Variants in ATP2B2 observed in about 807,000 individuals in gnomAD.
The protein encoded by ATP2B2 is plasma membrane calcium-transporting ATPase 2.
ATP2B2 carries 15 observed loss-of-function variants against 120.0 expected under a neutral mutation model. The ratio of observed to expected loss-of-function variants is 0.12; its 90% CI spans 0.08 to 0.19. The LOEUF (loss-of-function observed/expected upper bound fraction) is 0.19, where lower values mean the gene tolerates loss of function less well. Ranked by LOEUF, ATP2B2 falls within the 10% of genes least tolerant of loss-of-function variation. The pLI is 1.00. For synonymous variants in ATP2B2, 694 were observed against 700.3 expected, an observed-to-expected ratio of 0.99 and a Z score of 0.14; for missense variants, 1,045 against 1,719.8, an observed-to-expected ratio of 0.61 and a Z score of 6.94.
In ATP2B2 at chr3:10,346,369, C is replaced by T. The variant is rs1265367384; in HGVS notation, c.2405-232G>A. Among the ~76,000 whole-genome samples, 2 of 152,254 alleles carry T rather than the reference C, an allele frequency of 1.3e-5. No individual in the cohort carries two copies. The highest frequency in any genetic ancestry group is 2.9e-5 in the Non-Finnish European group (2 of 68,032). ...ACTTGGGGCCCCCTGTGGCCCGGGCCCTGCTCACCTCTCCAGCCCCCTCTT... is the reference window on the plus strand; with the variant it reads ...ACTTGGGGCCCCCTGTGGCCCGGGCTCTGCTCACCTCTCCAGCCCCCTCTT... On this transcript the variant is annotated intron_variant, in intron 16 of 22. Transcript: ENST00000360273. The surrounding 1 kb of genome is among the most constrained non-coding windows in gnomAD (Gnocchi z 4.1).
intron 2 of ATP2B2, among the ~76,000 whole-genome samples, chr3:10,595,522 A>G (rs966317336): frequency 6.6e-6 from 1 of 152,228 alleles, no homozygotes; most frequent in African/African-American, 2.4e-5. Context: ...CGGTGCAGAT[A>G]AGGAAACAGA....
intron 1 of ATP2B2, among the ~76,000 whole-genome samples, chr3:10,683,687 T>C (rs1313522025): frequency 3.4e-5 from 5 of 147,912 alleles, no homozygotes; most frequent in African/African-American, 1.2e-4. Flanking sequence ...AATATATATA[T>C]ACACATATGT....
At chr3:10,584,773 C>T (rs930632908) in intron 2 of ATP2B2, among the ~76,000 whole-genome samples, 8 of 152,190 alleles carry the variant, frequency 5.3e-5, no homozygotes, top group Non-Finnish European at 1.0e-4. Flanking sequence ...CACACAAATA[C>T]CCACCTGCTT....
chr3:10,379,358 G>T, intron 8 of ATP2B2, 74 bp from the exon 9 acceptor site: 1 of 1,495,488 alleles, frequency 6.7e-7, no homozygotes, highest in Non-Finnish European at 9.3e-7. Context: ...GACGCAACAG[G>T]CCACAGACAT....
chr3:10,604,958 C>T (rs1360409566), intron 2 of ATP2B2, among the ~76,000 whole-genome samples: 6 of 152,234 alleles, frequency 3.9e-5, no homozygotes, highest in Non-Finnish European at 7.3e-5. Flanking sequence ...CTGCTGATCC[C>T]TCCTCCTGGA....
intron 1 of ATP2B2, among the ~76,000 whole-genome samples, chr3:10,502,686 C>T (rs9872182): frequency 0.39 from 60,112 of 152,212 alleles, 12,227 homozygotes; most frequent in South Asian, 0.54. Context: ...CACAGCGGTC[C>T]GGCTGCCTAG....
At chr3:10,435,094 C>G (rs753457432) in intron 2 of ATP2B2, among the ~76,000 whole-genome samples, 1 of 152,192 alleles carries the variant, frequency 6.6e-6, no homozygotes, top group Non-Finnish European at 1.5e-5. Flanking sequence ...CACAGCTGTG[C>G]GACGTGGGCG....
At chr3:10,446,213 C>T (rs1410760960) in intron 2 of ATP2B2, among the ~76,000 whole-genome samples, 1 of 152,208 alleles carries the variant, frequency 6.6e-6, no homozygotes, top group Non-Finnish European at 1.5e-5. Context: ...GGACACTGGC[C>T]ACCATTCCAA....
At chr3:10,369,824 C>A (rs2061173599) in intron 12 of ATP2B2, among the ~76,000 whole-genome samples, 1 of 152,196 alleles carries the variant, frequency 6.6e-6, no homozygotes. Flanking sequence ...CAAGTTTTAA[C>A]CACTACCCAG....
rs117026818 is a variant in ATP2B2, at chr3:10,576,033, C to T, written c.-414-41900G>A. On this transcript the variant is annotated intron_variant, in intron 2 of 21. Coordinates refer to the ATP2B2 transcript ENST00000646379. ...ACTCCCCTGCACAATGACCCTGTAC[C>T]GCAAATGCTGCTAACGTGTTCATTT... 3.0e-3 allele frequency among the ~76,000 whole-genome samples: 461 copies of T among 152,266 alleles called. 22 individuals carry two copies. The East Asian group carries it at 0.077, about 25-fold the overall frequency.
intron 1 of ATP2B2, among the ~76,000 whole-genome samples, chr3:10,653,356 T>C (rs567487184): frequency 1.3e-5 from 2 of 152,280 alleles, no homozygotes; most frequent in Admixed American, 6.5e-5. Flanking sequence ...CCAGTCTTCA[T>C]TGGCTGTGGG....
At chr3:10,546,186 C>T (rs2067541851) in intron 2 of ATP2B2, among the ~76,000 whole-genome samples, 1 of 152,202 alleles carries the variant, frequency 6.6e-6, no homozygotes. Context: ...GTGTGCCAGT[C>T]TCTCTTCCAC....
chr3:10,512,464 G>GCGCGCGCGCACACACACACA lies in ATP2B2; in HGVS notation c.-320+21574_-320+21575insTGTGTGTGTGTGCGCGCGCG, dbSNP rs749056818. 1.6e-3 allele frequency among the ~76,000 whole-genome samples: 218 copies of GCGCGCGCGCACACACACACA among 136,946 alleles called. 2 individuals are homozygous for GCGCGCGCGCACACACACACA. Among genetic ancestry groups the GCGCGCGCGCACACACACACA allele is most frequent in the East Asian group, 0.01 (45 of 4,414 alleles). 89.8% of individuals were successfully genotyped at this position (136,946 alleles called of 152,430 possible). ...TATTCCTGGGTGCTAAAGTGTGTGC[G>GCGCGCGCGCACACACACACA]CACACACACACACACACACACACAC... On this transcript the variant is annotated intron_variant, in intron 3 of 21. Coordinates refer to the ATP2B2 transcript ENST00000646379.
rs71055831 is a variant in ATP2B2 at position 10,683,760 on chromosome 3, GTATATATATATATATATATATATATA to G, written c.-460+24129_-460+24154del. On this transcript the variant is annotated intron_variant, in intron 1 of 21. Transcript: ENST00000646379. ...TATGTGTATATATATGTGTGTGTGT[GTATATATATATATATATATATATATA>G]TATATATATATATATATATGTAAAG... is the stretch of plus-strand genomic sequence containing the variant. Among the ~76,000 whole-genome samples the G allele has an allele frequency of 6.5e-4, 35 of 53,916 alleles. 1 individual carries two copies. In the East Asian group the frequency reaches 6.7e-3, roughly 10 times the overall value. 35.4% of individuals were successfully genotyped at this position (53,916 alleles called of 152,430 possible). A position where few individuals can be genotyped will look rare whatever the true frequency, so the allele number is the denominator to read the frequency against.
At chr3:10,384,192 G>T (rs2061607963) in intron 8 of ATP2B2, among the ~76,000 whole-genome samples, 1 of 152,232 alleles carries the variant, frequency 6.6e-6, no homozygotes, top group Admixed American at 6.5e-5. Flanking sequence ...TTGGGGAGAG[G>T]TCTAGGGCAG....
intron 1 of ATP2B2, among the ~76,000 whole-genome samples, chr3:10,645,108 AAG>A (rs148258189): frequency 1.1e-4 from 16 of 150,572 alleles, no homozygotes; most frequent in South Asian, 2.1e-4. Flanking sequence ...TGGGGGAGAA[AAG>A]AGAGAGAGAG....
At chr3:10,638,248 T>C (rs539303728) in intron 1 of ATP2B2, among the ~76,000 whole-genome samples, 1 of 152,000 alleles carries the variant, frequency 6.6e-6, no homozygotes, top group Non-Finnish European at 1.5e-5. Flanking sequence ...TAAAAAACAT[T>C]TAAAATGTTA....
At chr3:10,439,859 G>C (rs1396931366) in intron 2 of ATP2B2, among the ~76,000 whole-genome samples, 1 of 151,712 alleles carries the variant, frequency 6.6e-6, no homozygotes, top group African/African-American at 2.4e-5. Context: ...GGGTTCAAGT[G>C]ATTCTTGTGC....
At position 10,697,712 on chromosome 3, in the gene ATP2B2, T is replaced by C. The variant is rs549740665; in HGVS notation, c.-460+10203A>G. On this transcript the variant is annotated intron_variant, in intron 1 of 21. Transcript: ENST00000646379. ...TTTTCTCGACAACTAAATTGCAACA[T>C]CTTTGAGGACAAAGCCATTCCTATG... Among the ~76,000 whole-genome samples the C allele has an allele frequency of 6.6e-5, 10 of 152,308 alleles. No individual in the cohort carries two copies. The East Asian group carries it at 1.2e-3, about 18-fold the overall frequency.
Sources: allele counts gnomAD v4.1 joint callset (sites outside exome capture counted in the v4.1 genomes callset), GRCh38; gene constraint gnomAD v4.1.1; non-coding constraint Gnocchi (gnomAD v3.1); transcripts MANE v1.5; gene names NCBI Gene and HGNC (gene_info 2026-07-23, HGNC 2026-07-21).